Variants in ATP11B observed in about 807,000 individuals in gnomAD.
ATP11B encodes ATPase phospholipid transporting 11B (putative), also known as phospholipid-transporting ATPase IF.
A neutral mutation model predicts 157.8 loss-of-function variants in ATP11B; 81 were observed. That is an observed-to-expected ratio of 0.51 (90% CI 0.43 to 0.62). ATP11B has a LOEUF of 0.62. Ranked by LOEUF, ATP11B falls within the 20% of genes least tolerant of loss-of-function variation. ATP11B has a pLI of 0.00. For synonymous variants in ATP11B, 451 were observed against 469.4 expected, an observed-to-expected ratio of 0.96 and a Z score of 0.51; for missense variants, 1,165 against 1,402.2, an observed-to-expected ratio of 0.83 and a Z score of 2.70.
At chr3:182,821,948 G>T (rs930512973) in intron 2 of ATP11B, among the ~76,000 whole-genome samples, 1 of 152,138 alleles carries the variant, frequency 6.6e-6, no homozygotes, top group African/African-American at 2.4e-5. Flanking sequence ...TAGGTCAGCA[G>T]TTCTTTGCCC....
Position 182,839,810 on chromosome 3 carries a change from A to G in ATP11B, c.657-2265A>G, listed in dbSNP as rs553084874. ...GTATTTTTAGTAGAGATGGGGTTTC[A>G]CCATGTTTGCCAGGCTGTTATCAAA... On this transcript the variant is annotated intron_variant, in intron 7 of 29. Transcript: ENST00000323116. Among the ~76,000 whole-genome samples, 10 of 152,076 alleles carry G rather than the reference A, an allele frequency of 6.6e-5. No homozygotes were observed. In the South Asian group the frequency reaches 2.1e-3, roughly 32 times the overall value.
chr3:182,855,946 A>G (rs1720366223), intron 10 of ATP11B, among the ~76,000 whole-genome samples: 1 of 152,146 alleles, frequency 6.6e-6, no homozygotes, highest in Admixed American at 6.5e-5. Context: ...AATTAAAAAT[A>G]GTATACCCAC....
chr3:182,915,453 C>T (rs1045883099), intron 29 of ATP11B: 8 of 984,962 alleles, frequency 8.1e-6, no homozygotes, highest in Middle Eastern at 5.2e-4. Context: ...GCAAATTTCC[C>T]AAAGAGCTTG....
At chr3:182,865,343 CAATATT>C (rs1721149249) in intron 12 of ATP11B, 107 bp from the exon 13 acceptor site, 2 of 952,502 alleles carry the variant, frequency 2.1e-6, no homozygotes, top group African/African-American at 1.7e-5. Context: ...ATCCATATAT[CAATATT>C]AATAGATAAA....
intron 25 of ATP11B, among the ~76,000 whole-genome samples, chr3:182,891,784 C>G (rs1177770221): frequency 6.6e-6 from 1 of 152,144 alleles, no homozygotes; most frequent in Non-Finnish European, 1.5e-5. Context: ...AGCAAAGCAG[C>G]ACATGTTAGA....
intron 20 of ATP11B, 117 bp downstream of exon 20, chr3:182,879,766 GAGTC>G: frequency 1.1e-6 from 1 of 911,196 alleles, no homozygotes; most frequent in Non-Finnish European, 1.5e-6. Flanking sequence ...ATTTTGCTAG[GAGTC>G]AGTCACATCT....
chr3:182,847,232 G>C (rs553125533), intron 9 of ATP11B, among the ~76,000 whole-genome samples: 2 of 152,028 alleles, frequency 1.3e-5, no homozygotes, highest in Non-Finnish European at 2.9e-5. Context: ...TGTATTTTTA[G>C]TAGACCACGT....
intron 7 of ATP11B, 127 bp from the exon 8 acceptor site, chr3:182,841,948 C>T (rs760978764): frequency 1.8e-5 from 10 of 548,502 alleles, no homozygotes; most frequent in Non-Finnish European, 3.1e-5. Context: ...CACTGCACTC[C>T]AGCCTAGGCG....
chr3:182,869,104 T>G lies in ATP11B; in HGVS notation c.1715T>G (p.Phe572Cys). 6.2e-7 allele frequency: 1 copy of G among 1,610,750 alleles called. No individual in the cohort carries two copies. The highest frequency in any genetic ancestry group is 8.5e-7 in the Non-Finnish European group (1 of 1,178,508). The change falls in exon 16 of 30, where the codon TTT becomes TGT. Residue 572 changes from phenylalanine to cysteine, a missense_variant. By Grantham distance (205) the Phe-to-Cys change is radical (BLOSUM62 -2). Transcript: ENST00000323116. Reference protein sequence around the residue: ...ERYKLLHILEFDSDRRRMSVI... With the variant: ...ERYKLLHILECDSDRRRMSVI... Reference sequence around the variant, plus strand: ...TACAAACTGCTTCATATTCTGGAATTTGATTCAGATCGTAGGAGAATGAGT... The same window carrying G: ...TACAAACTGCTTCATATTCTGGAATGTGATTCAGATCGTAGGAGAATGAGT...
In ATP11B at chr3:182,872,486, A is replaced by G. The variant is rs753903474; in HGVS notation, c.1997A>G (p.Gln666Arg). The G allele has an allele frequency of 1.2e-6, 2 of 1,614,134 alleles. No homozygotes were observed. Among genetic ancestry groups the G allele is most frequent in the Non-Finnish European group, 1.7e-6 (2 of 1,180,002 alleles). ...GAAGAGAAATTGGCAGCTGTTTTCC[A>G]GTTCATAGAGAAAGACCTGATATTA... ...QREEKLAAVF[Q>R]FIEKDLILLG... is the part of the protein sequence containing the mutation. Residue 666 changes from glutamine (Q) to arginine (R), a missense_variant, in exon 18 of 30, where the codon CAG becomes CGG. Coordinates refer to ENST00000323116, the MANE Select transcript of ATP11B (RefSeq NM_014616.3).
chr3:182,913,367 T>C (rs961718488), intron 28 of ATP11B, among the ~76,000 whole-genome samples: 2 of 152,162 alleles, frequency 1.3e-5, no homozygotes, highest in South Asian at 2.1e-4. Flanking sequence ...TTACTGAACA[T>C]TGGGGTGAGG....
chr3:182,902,896 C>T (rs1724066705), intron 28 of ATP11B, among the ~76,000 whole-genome samples: 1 of 152,032 alleles, frequency 6.6e-6, no homozygotes, highest in Non-Finnish European at 1.5e-5. Flanking sequence ...TATGAATGCT[C>T]CTGCATGTTG....
At chr3:182,860,706 C>T (rs1236872441) in intron 12 of ATP11B, among the ~76,000 whole-genome samples, 1 of 152,090 alleles carries the variant, frequency 6.6e-6, no homozygotes, top group African/African-American at 2.4e-5. Context: ...TTATATTCTA[C>T]TTTCTGGTAG....
chr3:182,806,581 T>C (rs996104945), intron 1 of ATP11B, among the ~76,000 whole-genome samples: 10 of 152,200 alleles, frequency 6.6e-5, no homozygotes, highest in African/African-American at 2.4e-4. Flanking sequence ...TATTTCTAGC[T>C]TCTAGTCCAC....
rs535115817 is a variant in ATP11B at position 182,813,247 on chromosome 3, T to C, written c.28-7013T>C. On this transcript the variant is annotated intron_variant, in intron 1 of 29. Coordinates refer to ENST00000323116, the MANE Select transcript of ATP11B (RefSeq NM_014616.3). ...AGTATATACCCAGAAGTAGAATTGC[T>C]GGATCTTATGTTAATTCTGTGTTTA... 8.5e-5 allele frequency among the ~76,000 whole-genome samples: 13 copies of C among 152,320 alleles called. 1 individual carries two copies. In the South Asian group the frequency reaches 2.1e-3, roughly 24 times the overall value.
chr3:182,810,942 T>G (rs1281293010), intron 1 of ATP11B, among the ~76,000 whole-genome samples: 2 of 152,150 alleles, frequency 1.3e-5, no homozygotes, highest in African/African-American at 4.8e-5. Context: ...GAAATAAAAT[T>G]TAAATAAGTT....
intron 1 of ATP11B, 95 bp from the exon 2 acceptor site, chr3:182,820,165 T>C (rs1440382272): frequency 1.2e-6 from 1 of 805,550 alleles, no homozygotes; most frequent in Non-Finnish European, 2.1e-6. Context: ...AATAGTAATA[T>C]ATGTAATCTG....
chr3:182,825,863 G>A (rs1169771108), intron 2 of ATP11B, among the ~76,000 whole-genome samples: 1 of 152,110 alleles, frequency 6.6e-6, no homozygotes, highest in Non-Finnish European at 1.5e-5. Flanking sequence ...TTGCGCCACT[G>A]CACTCCAGCC....
At chr3:182,871,254 C>T (rs1202636939) in intron 17 of ATP11B, among the ~76,000 whole-genome samples, 2 of 152,182 alleles carry the variant, frequency 1.3e-5, no homozygotes, top group Non-Finnish European at 2.9e-5. Flanking sequence ...GCCAAGATCA[C>T]ACCACTGCAC....
Sources: gnomAD v4.1 joint callset for allele counts (sites outside exome capture counted in the v4.1 genomes callset) on GRCh38, gnomAD v4.1.1 for gene constraint, MANE v1.5 for transcripts, NCBI Gene and HGNC (gene_info 2026-07-23, HGNC 2026-07-21) for gene names.